Variants in GLRB observed in about 807,000 individuals in gnomAD.
The protein encoded by GLRB is glycine receptor subunit beta.
A neutral mutation model predicts 54.2 loss-of-function variants in GLRB; 33 were observed. The ratio of observed to expected loss-of-function variants is 0.61; its 90% CI spans 0.46 to 0.81. GLRB has a LOEUF of 0.81. Among genes scored for constraint, GLRB ranks in the 40% least tolerant of loss-of-function variants. The probability of loss-of-function intolerance (pLI) is 0.00; values close to 1 mark genes in which losing one functional copy is unlikely to be tolerated. For synonymous variants in GLRB, 209 were observed against 208.2 expected (o/e 1.00, Z -0.03); for missense variants, 572 against 584.6 (o/e 0.98, Z 0.22).
intron 8 of GLRB, among the ~76,000 whole-genome samples, chr4:157,148,358 A>G (rs1410512719): frequency 3.3e-5 from 5 of 151,662 alleles, no homozygotes; most frequent in Non-Finnish European, 7.4e-5. Flanking sequence ...CTATTTGTTT[A>G]TTTTCCTTTT....
chr4:157,145,323 A>G (rs1171892502), intron 8 of GLRB, among the ~76,000 whole-genome samples: 1 of 152,190 alleles, frequency 6.6e-6, no homozygotes, highest in African/African-American at 2.4e-5. Flanking sequence ...TGGATTTACT[A>G]GCTGTGACAA....
chr4:157,112,197 G>C (rs1292304568), intron 2 of GLRB, among the ~76,000 whole-genome samples: 1 of 151,374 alleles, frequency 6.6e-6, no homozygotes, highest in African/African-American at 2.4e-5. Context: ...ATTAAATCTA[G>C]ATATGGGTGA....
At chr4:157,119,314 T>C (rs1735717419) in intron 2 of GLRB, among the ~76,000 whole-genome samples, 1 of 151,670 alleles carries the variant, frequency 6.6e-6, no homozygotes, top group African/African-American at 2.4e-5. Flanking sequence ...GTTCACTGTA[T>C]TTCTTGGGGA....
At chr4:157,148,636 G>A (rs1051155962) in intron 8 of GLRB, among the ~76,000 whole-genome samples, 14 of 152,136 alleles carry the variant, frequency 9.2e-5, no homozygotes, top group African/African-American at 2.7e-4. Context: ...CTTTAGAAAT[G>A]TAGAGTTTTT....
chr4:157,149,959 G>A (rs2343769), intron 8 of GLRB, among the ~76,000 whole-genome samples: 21,689 of 151,306 alleles, frequency 0.14, 1,734 homozygotes, highest in East Asian at 0.29. Context: ...ATTATTTTGC[G>A]GATTCTTCCT....
At chr4:157,090,362 C>T (rs534616716) in intron 2 of GLRB, among the ~76,000 whole-genome samples, 57 of 152,218 alleles carry the variant, frequency 3.7e-4, no homozygotes, top group African/African-American at 1.1e-3. Context: ...CATTGTTTAA[C>T]GGTAGCAAAT....
chr4:157,122,360 T>G lies in GLRB; in HGVS notation c.260T>G (p.Phe87Cys). ...GIPVDVVVNI[F>C]INSFGSIQET... The stretch of plus-strand genomic sequence containing the variant: ...CCTGTTGATGTAGTAGTCAACATTT[T>G]TATTAACAGTTTTGGATCCATTCAA... The change falls in exon 4 of 10, where the codon TTT becomes TGT. Residue 87 changes from phenylalanine to cysteine, a missense_variant. By Grantham distance (205) the Phe-to-Cys change is radical (BLOSUM62 -2). Coordinates refer to ENST00000264428, the MANE Select transcript of GLRB (RefSeq NM_000824.5). 1 of 1,306,788 alleles carries G rather than the reference T, an allele frequency of 7.7e-7. No homozygotes were observed. Among genetic ancestry groups the G allele is most frequent in the Non-Finnish European group, 1.1e-6 (1 of 911,828 alleles). 80.9% of individuals were successfully genotyped at this position (1,306,788 alleles called of 1,614,324 possible).
intron 4 of GLRB, among the ~76,000 whole-genome samples, chr4:157,133,595 A>G (rs1012908939): frequency 1.3e-5 from 2 of 151,982 alleles, no homozygotes; most frequent in African/African-American, 4.8e-5. Context: ...TAACTAGACC[A>G]TGAAAATTAA....
chr4:157,117,450 G>A (rs149048273), intron 2 of GLRB, among the ~76,000 whole-genome samples: 6 of 151,636 alleles, frequency 4.0e-5, no homozygotes, highest in South Asian at 2.1e-4. Context: ...GTTTAATCAC[G>A]TGAACATGAC....
rs777726270 is a variant in GLRB, at chr4:157,078,158, A to C, written c.122+12A>C. ...TATCTATGCCCATCGTATGTTCTTC[A>C]TGTCTTATATTCTTATATGGAGAAA... On this transcript the variant is annotated intron_variant, in intron 2 of 9. Transcript: ENST00000264428. The C allele has an allele frequency of 6.8e-6, 11 of 1,611,740 alleles. 2 individuals carry two copies. The South Asian group carries it at 8.8e-5, about 13-fold the overall frequency.
At chr4:157,104,676 A>T (rs971521562) in intron 2 of GLRB, among the ~76,000 whole-genome samples, 3 of 152,054 alleles carry the variant, frequency 2.0e-5, no homozygotes, top group Non-Finnish European at 4.4e-5. Flanking sequence ...CAGTGAAACC[A>T]TCTGGTCCTA....
chr4:157,078,782 A>AT (rs1734129633), intron 2 of GLRB, among the ~76,000 whole-genome samples: 2 of 151,784 alleles, frequency 1.3e-5, no homozygotes, highest in African/African-American at 4.8e-5. Context: ...AGTCTTGTTT[A>AT]TTTTTTTTAG....
intron 9 of GLRB, among the ~76,000 whole-genome samples, chr4:157,156,617 C>A (rs1274047374): frequency 6.6e-6 from 1 of 152,032 alleles, no homozygotes; most frequent in Non-Finnish European, 1.5e-5. Flanking sequence ...TTTCCTCTGC[C>A]CTTTACATTT....
At chr4:157,115,527 G>A (rs1353217163) in intron 2 of GLRB, among the ~76,000 whole-genome samples, 1 of 151,658 alleles carries the variant, frequency 6.6e-6, no homozygotes, top group Non-Finnish European at 1.5e-5. Context: ...ATCTTGCTGT[G>A]TCTGAAAAGC....
At chr4:157,113,255 G>C (rs1434465750) in intron 2 of GLRB, among the ~76,000 whole-genome samples, 1 of 151,920 alleles carries the variant, frequency 6.6e-6, no homozygotes, top group Non-Finnish European at 1.5e-5. Flanking sequence ...TGCAGAGTTA[G>C]AAGTCGTAAC....
intron 2 of GLRB, among the ~76,000 whole-genome samples, chr4:157,102,993 C>T (rs1318809870): frequency 2.0e-5 from 3 of 151,946 alleles, no homozygotes; most frequent in South Asian, 4.2e-4. Flanking sequence ...AGTGAAACCC[C>T]GTCTCTACTA....
Position 157,122,381 on chromosome 4 carries a change from T to C in GLRB, c.281T>C (p.Ile94Thr), listed in dbSNP as rs1735858077. 1.6e-6 allele frequency: 2 copies of C among 1,268,286 alleles called. No homozygotes were observed. Among genetic ancestry groups the C allele is most frequent in the African/African-American group, 1.5e-5 (1 of 66,892 alleles). The allele number at this position is 1,268,286 out of a possible 1,614,324, so 78.6% of individuals were successfully genotyped here. ...ATTTTTATTAACAGTTTTGGATCCATTCAAGAAACAACAATGGTAAGATTG... is the reference window on the plus strand; with the variant it reads ...ATTTTTATTAACAGTTTTGGATCCACTCAAGAAACAACAATGGTAAGATTG... ...VNIFINSFGS[I>T]QETTMDYRVN... Residue 94 changes from isoleucine to threonine, a missense_variant, in exon 4 of 10, where the codon ATT (isoleucine) becomes ACT (threonine). Ile to Thr is a moderately conservative substitution (Grantham distance 89). Transcript: ENST00000264428.
chr4:157,146,593 C>G (rs978499042), intron 8 of GLRB, among the ~76,000 whole-genome samples: 1 of 151,896 alleles, frequency 6.6e-6, no homozygotes, highest in Non-Finnish European at 1.5e-5. Context: ...CAAAGGTGGG[C>G]AAATCACCTG....
chr4:157,167,672 T>A (rs1005357299), intron 9 of GLRB, among the ~76,000 whole-genome samples: 1 of 152,232 alleles, frequency 6.6e-6, no homozygotes, highest in African/African-American at 2.4e-5. Flanking sequence ...TTTTTCTCTC[T>A]CTCACTCTTT....
Sources: allele counts gnomAD v4.1 joint callset (sites outside exome capture counted in the v4.1 genomes callset), GRCh38; gene constraint gnomAD v4.1.1; transcripts MANE v1.5; gene names NCBI Gene and HGNC (gene_info 2026-07-23, HGNC 2026-07-21).